GLIPR1L2: variants seen among roughly 807,000 people sequenced by gnomAD.
GLIPR1L2 encodes the protein GLIPR1 like 2, also known as GLIPR1-like protein 2.
In GLIPR1L2, 21 loss-of-function variants were observed where a neutral mutation model predicts 28.4. The ratio of observed to expected loss-of-function variants is 0.74; its 90% CI spans 0.52 to 1.06. The LOEUF (loss-of-function observed/expected upper bound fraction) is 1.06. Ranked by LOEUF, GLIPR1L2 falls within the 50% of genes least tolerant of loss-of-function variation. GLIPR1L2 has a pLI of 0.00. For synonymous variants in GLIPR1L2, 145 were observed against 139.3 expected (o/e 1.04, Z -0.29); for missense variants, 476 against 416.9 (o/e 1.14, Z -1.23).
Position 75,431,121 on chromosome 12 carries a change from A to AAAT in GLIPR1L2, c.995_996insAAT (p.Glu332_Glu333insMet). On this transcript the variant is annotated inframe_insertion, in exon 6 of 6. Coordinates refer to ENST00000550916, the MANE Select transcript of GLIPR1L2 (RefSeq NM_001270396.2). ...AAAGAAGAGAGAGAGGAGGAGGAGG[A>AAAT]GGAAACACAAAAAGAAAAGATGGAG... 1 of 961,586 alleles carries AAAT rather than the reference A, an allele frequency of 1.0e-6. No homozygotes were observed. Among genetic ancestry groups the AAAT allele is most frequent in the South Asian group, 1.4e-5 (1 of 70,706 alleles). The allele number at this position is 961,586 out of a possible 1,614,324, so 59.6% of individuals were successfully genotyped here.
chr12:75,417,484 C>G (rs187686436), intron 3 of GLIPR1L2, among the ~76,000 whole-genome samples: 2 of 152,178 alleles, frequency 1.3e-5, no homozygotes, highest in African/African-American at 4.8e-5. Flanking sequence ...AATATAGTTA[C>G]AGAAAATTAA....
In GLIPR1L2 at chr12:75,430,808, GCTT is replaced by G. The variant is rs1224524580; in HGVS notation, c.698-12_698-10del. 6.5e-7 allele frequency: 1 copy of G among 1,532,758 alleles called. No individual in the cohort carries two copies. 94.9% of individuals were successfully genotyped at this position (1,532,758 alleles called of 1,614,324 possible). Reference sequence around the variant, plus strand: ...TTTATATGAAATCCAGCTTTCAATTGCTTCTTTGTTTACAGATTACCGATTTTG... The same window carrying G: ...TTTATATGAAATCCAGCTTTCAATTGCTTTGTTTACAGATTACCGATTTTG... On this transcript the variant is annotated splice_polypyrimidine_tract_variant and intron_variant, in intron 5 of 5. Coordinates refer to ENST00000550916, the MANE Select transcript of GLIPR1L2 (RefSeq NM_001270396.2).
intron 1 of GLIPR1L2, among the ~76,000 whole-genome samples, chr12:75,406,773 A>AAAGAG (rs1555232335): frequency 6.9e-6 from 1 of 145,122 alleles, no homozygotes; most frequent in Non-Finnish European, 1.5e-5. Context: ...AAAAAAAAAA[A>AAAGAG]AGAGAGAGAG....
At chr12:75,421,603 T>C (rs2045976772) in intron 3 of GLIPR1L2, among the ~76,000 whole-genome samples, 1 of 152,182 alleles carries the variant, frequency 6.6e-6, no homozygotes, top group South Asian at 2.1e-4. Flanking sequence ...CAAATGTATC[T>C]TTTCCCTACT....
At chr12:75,407,622 A>G (rs1452002266) in intron 1 of GLIPR1L2, among the ~76,000 whole-genome samples, 2 of 152,150 alleles carry the variant, frequency 1.3e-5, no homozygotes, top group Non-Finnish European at 2.9e-5. Flanking sequence ...TATCTTTTCT[A>G]TAATTGTCTT....
intron 4 of GLIPR1L2, 30 bp downstream of exon 4, chr12:75,423,019 A>T (rs776974584): frequency 6.2e-7 from 1 of 1,602,952 alleles, no homozygotes; most frequent in African/African-American, 1.4e-5. Context: ...CATGAAAAAA[A>T]TGCATAATGG....
chr12:75,422,565 G>A (rs544068587), intron 3 of GLIPR1L2, among the ~76,000 whole-genome samples: 3 of 152,268 alleles, frequency 2.0e-5, no homozygotes, highest in Admixed American at 6.5e-5. Context: ...GCCTCCCAAA[G>A]TGCTGGGATT....
At chr12:75,428,603 C>T (rs1324623909) in intron 4 of GLIPR1L2, among the ~76,000 whole-genome samples, 2 of 152,084 alleles carry the variant, frequency 1.3e-5, no homozygotes, top group African/African-American at 4.8e-5. Flanking sequence ...TGTTAATCAC[C>T]AAGACAATGG....
chr12:75,420,887 A>AC (rs1405524237), intron 3 of GLIPR1L2, among the ~76,000 whole-genome samples: 3 of 152,184 alleles, frequency 2.0e-5, no homozygotes, highest in Non-Finnish European at 2.9e-5. Context: ...ATTGTAGTCT[A>AC]CCACAGTGTG....
At chr12:75,423,742 A>C (rs1188134417) in intron 4 of GLIPR1L2, 1 of 152,334 alleles carries the variant, frequency 6.6e-6, no homozygotes, top group African/African-American at 2.4e-5. Flanking sequence ...GACAGGCCCC[A>C]GTGTGTGATG....
chr12:75,425,633 A>G (rs1212915593), intron 4 of GLIPR1L2, among the ~76,000 whole-genome samples: 3 of 152,210 alleles, frequency 2.0e-5, no homozygotes, highest in Admixed American at 2.0e-4. Context: ...ACAAACTTAT[A>G]CTAAAACAAT....
At chr12:75,423,322 T>C (rs1243603105) in intron 4 of GLIPR1L2, 2 of 1,105,680 alleles carry the variant, frequency 1.8e-6, no homozygotes, top group African/African-American at 1.6e-5. Flanking sequence ...TAAAGGATAG[T>C]ATATTCCAAA....
chr12:75,408,660 T>C (rs2045829015), intron 1 of GLIPR1L2, among the ~76,000 whole-genome samples: 1 of 152,044 alleles, frequency 6.6e-6, no homozygotes, highest in East Asian at 1.9e-4. Flanking sequence ...TAGGTATCCG[T>C]GCTGCGGAAT....
chr12:75,417,656 G>T (rs1375209314), intron 3 of GLIPR1L2, among the ~76,000 whole-genome samples: 1 of 151,864 alleles, frequency 6.6e-6, no homozygotes, highest in Non-Finnish European at 1.5e-5. Context: ...CTACAAATTG[G>T]TGTTTCTAAA....
chr12:75,430,220 T>C (rs1594036421), intron 4 of GLIPR1L2, among the ~76,000 whole-genome samples: 2 of 152,212 alleles, frequency 1.3e-5, no homozygotes, highest in East Asian at 3.8e-4. Flanking sequence ...CTCATTGGAC[T>C]AGTTAACTAA....
intron 3 of GLIPR1L2, among the ~76,000 whole-genome samples, chr12:75,419,752 T>G (rs1271204380): frequency 6.6e-6 from 1 of 152,156 alleles, no homozygotes; most frequent in Non-Finnish European, 1.5e-5. Flanking sequence ...CCAACAAAGT[T>G]TTACAGAAAG....
intron 1 of GLIPR1L2, chr12:75,391,588 G>A: frequency 7.1e-7 from 1 of 1,399,174 alleles, no homozygotes; most frequent in East Asian, 2.7e-5. Context: ...GCACTGGCCT[G>A]AAGTGCAGAT....
intron 1 of GLIPR1L2, among the ~76,000 whole-genome samples, chr12:75,392,395 G>A (rs928673652): frequency 6.6e-6 from 1 of 152,112 alleles, no homozygotes; most frequent in Admixed American, 6.5e-5. Context: ...TTTTAATGTT[G>A]ATTTTAAAAT....
At chr12:75,414,357 C>G (rs2045903648) in intron 3 of GLIPR1L2, among the ~76,000 whole-genome samples, 3 of 151,820 alleles carry the variant, frequency 2.0e-5, no homozygotes, top group African/African-American at 7.3e-5. Context: ...ATTATAACTT[C>G]CAAATAAGTT....
Sources: gnomAD v4.1 joint callset for allele counts (sites outside exome capture counted in the v4.1 genomes callset) on GRCh38, gnomAD v4.1.1 for gene constraint, MANE v1.5 for transcripts, NCBI Gene and HGNC (gene_info 2026-07-23, HGNC 2026-07-21) for gene names.